The following POTEH variants were observed in gnomAD, a reference collection of about 807,000 sequenced individuals.
POTEH encodes ANKRD26-like family C member 3.
A neutral mutation model predicts 41.7 loss-of-function variants in POTEH; 6 were observed. The ratio of observed to expected loss-of-function variants is 0.14; its 90% CI spans 0.08 to 0.28. The LOEUF (loss-of-function observed/expected upper bound fraction) is 0.28, where lower values mean the gene tolerates loss of function less well. POTEH is among the 10% of genes least tolerant of loss of function. The probability of loss-of-function intolerance (pLI) is 1.00; values close to 1 mark genes in which losing one functional copy is unlikely to be tolerated. For synonymous variants in POTEH, 38 were observed against 179.9 expected (o/e 0.21, Z 6.31); for missense variants, 115 against 533.5 (o/e 0.22, Z 7.73).
intron 1 of POTEH, among the ~76,000 whole-genome samples, chr22:15,691,985 C>CATATATATATATATATATAT (rs142856307): frequency 1.6e-5 from 2 of 124,476 alleles, no homozygotes; most frequent in East Asian, 4.4e-4. Flanking sequence ...TATGCAGATA[C>CATATATATATATATATATAT]ATATATATAT....
intron 9 of POTEH, among the ~76,000 whole-genome samples, chr22:15,714,934 ACAT>A: frequency 2.3e-5 from 1 of 42,754 alleles, no homozygotes; most frequent in Non-Finnish European, 4.3e-5. Context: ...AACTCTGTTA[ACAT>A]CATCATTTTT....
Position 15,692,702 on chromosome 22 carries a change from C to G in POTEH, c.632+1993C>G, listed in dbSNP as rs1301534407. Reference sequence around the variant, plus strand: ...CCAGGGAGGTGGAGGTTGCAGTGAGCCGAGATCGTGCCACTACATTCCGGC... The same window carrying G: ...CCAGGGAGGTGGAGGTTGCAGTGAGGCGAGATCGTGCCACTACATTCCGGC... On this transcript the variant is annotated intron_variant, in intron 1 of 10. Transcript: ENST00000343518. 4.1e-5 allele frequency among the ~76,000 whole-genome samples: 5 copies of G among 121,570 alleles called. 2 individuals are homozygous for G. Among genetic ancestry groups the G allele is most frequent in the African/African-American group, 1.5e-4 (5 of 33,116 alleles). 79.8% of individuals were successfully genotyped at this position (121,570 alleles called of 152,430 possible). A position where few individuals can be genotyped will look rare whatever the true frequency, so the allele number is the denominator to read the frequency against.
At chr22:15,711,527 T>A (rs1398657686) in intron 9 of POTEH, among the ~76,000 whole-genome samples, 1 of 150,472 alleles carries the variant, frequency 6.6e-6, no homozygotes, top group Non-Finnish European at 1.5e-5. Context: ...TGCATTAGTT[T>A]GCTTAGGATA....
chr22:15,703,634 A>T lies in POTEH; in HGVS notation c.1237+878A>T, dbSNP rs1385286444. 2.7e-5 allele frequency among the ~76,000 whole-genome samples: 4 copies of T among 148,524 alleles called. 2 individuals are homozygous for T. Among genetic ancestry groups the T allele is most frequent in the African/African-American group, 1.0e-4 (4 of 39,906 alleles). ...GCTCAGCAGATTATCATAAAAGTAGAAAAATGTTTCACACTCACAAAAATG... is the reference window on the plus strand; with the variant it reads ...GCTCAGCAGATTATCATAAAAGTAGTAAAATGTTTCACACTCACAAAAATG... On this transcript the variant is annotated intron_variant, in intron 6 of 10. Transcript: ENST00000343518.
chr22:15,690,057 T>C lies in POTEH; in HGVS notation c.-21T>C, dbSNP rs1601491937. 1.3e-5 allele frequency: 18 copies of C among 1,398,100 alleles called. 5 individuals carry two copies. The highest frequency in any genetic ancestry group is 1.8e-5 in the Non-Finnish European group (18 of 1,008,096). The allele number at this position is 1,398,100 out of a possible 1,614,324, so 86.6% of individuals were successfully genotyped here. ...CGCGATCTGCTGGCTACTACCGGCC[T>C]TCCCTGGCTGTTAAAAGCAGATGGT... On this transcript the variant is annotated 5_prime_UTR_variant, in exon 1 of 11. Transcript: ENST00000343518.
At chr22:15,712,813 G>A (rs1989848027) in intron 9 of POTEH, among the ~76,000 whole-genome samples, 1 of 141,698 alleles carries the variant, frequency 7.1e-6, no homozygotes, top group Non-Finnish European at 1.5e-5. Context: ...AGAATTGGCT[G>A]ATTTTTATCA....
At chr22:15,714,213 C>T (rs1415661193) in intron 9 of POTEH, among the ~76,000 whole-genome samples, 1 of 151,328 alleles carries the variant, frequency 6.6e-6, no homozygotes, top group Non-Finnish European at 1.5e-5. Flanking sequence ...GAGCCACCAT[C>T]ATCTGCCATC....
chr22:15,698,926 CAT>C (rs1246784175), intron 4 of POTEH, among the ~76,000 whole-genome samples, 158 bp downstream of exon 4: 1 of 152,262 alleles, frequency 6.6e-6, no homozygotes, highest in Non-Finnish European at 1.5e-5. Context: ...GACTGGGCAA[CAT>C]AAAAGTTTTA....
chr22:15,710,257 A>G (rs1199327182), intron 8 of POTEH, among the ~76,000 whole-genome samples: 1 of 152,302 alleles, frequency 6.6e-6, no homozygotes, highest in Non-Finnish European at 1.5e-5. Context: ...CAGCAGTTTC[A>G]CTCTGCTCCT....
intron 9 of POTEH, among the ~76,000 whole-genome samples, chr22:15,713,295 T>C (rs1321660424): frequency 6.6e-6 from 1 of 152,292 alleles, no homozygotes; most frequent in Non-Finnish European, 1.5e-5. Context: ...CCTCATTTTA[T>C]TTAATCTGTC....
intron 1 of POTEH, 26 bp downstream of exon 1, chr22:15,690,735 G>T: frequency 7.2e-7 from 1 of 1,394,544 alleles, no homozygotes; most frequent in South Asian, 1.2e-5. Flanking sequence ...CTGGGAGGAG[G>T]TGGGATGTGG....
intron 1 of POTEH, among the ~76,000 whole-genome samples, chr22:15,691,981 GATACATATAT>G (rs1172871177): frequency 8.1e-6 from 1 of 123,046 alleles, no homozygotes; most frequent in African/African-American, 2.9e-5. Flanking sequence ...TACATATGCA[GATACATATAT>G]ATATATATAT....
At chr22:15,691,974 A>G (rs1365660837) in intron 1 of POTEH, among the ~76,000 whole-genome samples, 3 of 129,770 alleles carry the variant, frequency 2.3e-5, no homozygotes, top group African/African-American at 8.1e-5. Flanking sequence ...GCCTATTTAC[A>G]TATGCAGATA....
At chr22:15,711,932 A>AG (rs1989835761) in intron 9 of POTEH, among the ~76,000 whole-genome samples, 1 of 111,200 alleles carries the variant, frequency 9.0e-6, no homozygotes, top group Non-Finnish European at 1.7e-5. Flanking sequence ...GACACATCTT[A>AG]GGAGTTCTTG....
Position 15,712,803 on chromosome 22 carries a change from A to C in POTEH, c.1520+1769A>C, listed in dbSNP as rs1201316883. 2.9e-5 allele frequency among the ~76,000 whole-genome samples: 4 copies of C among 139,072 alleles called. No individual in the cohort carries two copies. The East Asian group carries it at 9.2e-4, about 32-fold the overall frequency. 91.2% of individuals were successfully genotyped at this position (139,072 alleles called of 152,430 possible). ...ATATTTGATGAGTGTCAACTGTCCTAGAATTGGCTGATTTTTATCAAGCAA... is the reference window on the plus strand; with the variant it reads ...ATATTTGATGAGTGTCAACTGTCCTCGAATTGGCTGATTTTTATCAAGCAA... On this transcript the variant is annotated intron_variant, in intron 9 of 10. Transcript: ENST00000343518.
chr22:15,691,440 G>A (rs1989307512), intron 1 of POTEH, among the ~76,000 whole-genome samples: 1 of 124,436 alleles, frequency 8.0e-6, no homozygotes, highest in Non-Finnish European at 1.8e-5. Context: ...GCAGGAGAAT[G>A]GCGTGAACCT....
intron 9 of POTEH, among the ~76,000 whole-genome samples, chr22:15,711,368 C>T (rs1040769259): frequency 6.6e-6 from 1 of 151,980 alleles, no homozygotes; most frequent in Non-Finnish European, 1.5e-5. Flanking sequence ...GCAAAATACT[C>T]GAATGGTAGT....
chr22:15,711,236 G>A (rs1288982498), intron 9 of POTEH, among the ~76,000 whole-genome samples: 3 of 152,046 alleles, frequency 2.0e-5, no homozygotes, highest in Non-Finnish European at 4.4e-5. Flanking sequence ...GAGGGAAAAG[G>A]CATTTTCTTT....
intron 1 of POTEH, 89 bp downstream of exon 1, chr22:15,690,798 C>T: frequency 7.2e-7 from 1 of 1,380,362 alleles, no homozygotes; most frequent in East Asian, 2.3e-5. Flanking sequence ...GCCTGGTTTT[C>T]TTGCCTCCAC....
Sources: gnomAD v4.1 joint callset for allele counts (sites outside exome capture counted in the v4.1 genomes callset) on GRCh38, gnomAD v4.1.1 for gene constraint, MANE v1.5 for transcripts, NCBI Gene and HGNC (gene_info 2026-07-23, HGNC 2026-07-21) for gene names.